SLC36A2: variants seen among roughly 807,000 people sequenced by gnomAD.
The protein encoded by SLC36A2 is solute carrier family 36 member 2.
In SLC36A2, 39 loss-of-function variants were observed where a neutral mutation model predicts 42.7. The observed-to-expected ratio is 0.91, with a 90% CI of 0.71 to 1.19. The LOEUF (loss-of-function observed/expected upper bound fraction) is 1.19. Ranked by LOEUF, SLC36A2 falls within the 50% of genes most tolerant of loss-of-function variation. The probability of loss-of-function intolerance (pLI) is 0.00; values close to 1 mark genes in which losing one functional copy is unlikely to be tolerated. For missense variants in SLC36A2, 590 were observed against 613.7 expected (o/e 0.96, Z 0.41); for synonymous variants, 237 against 240.8 (o/e 0.98, Z 0.15).
At chr5:151,346,791 AGT>A (rs1756508845) in intron 1 of SLC36A2, among the ~76,000 whole-genome samples, 1 of 152,118 alleles carries the variant, frequency 6.6e-6, no homozygotes, top group South Asian at 2.1e-4. Flanking sequence ...CTTTCCACAA[AGT>A]GTGTTTTTTA....
At chr5:151,321,562 G>A (rs535825500) in intron 9 of SLC36A2, among the ~76,000 whole-genome samples, 8 of 152,144 alleles carry the variant, frequency 5.3e-5, no homozygotes, top group East Asian at 1.9e-4. Flanking sequence ...TTAGGTACAT[G>A]TAAGAATGGG....
chr5:151,337,114 T>TTACAATTGGAAAAATAGCTGGAACA (rs1756180915), intron 5 of SLC36A2, among the ~76,000 whole-genome samples: 1 of 152,288 alleles, frequency 6.6e-6, no homozygotes, highest in East Asian at 1.9e-4. Context: ...GGAACATTAG[T>TTACAATTGGAAAAATAGCTGGAACA]TACGTACTCA....
chr5:151,344,394 G>A, intron 1 of SLC36A2, 127 bp from the exon 2 acceptor site: 1 of 802,938 alleles, frequency 1.2e-6, no homozygotes, highest in South Asian at 1.5e-5. Flanking sequence ...ATGAGTCCTT[G>A]CCTGGCACAT....
At chr5:151,345,946 T>C (rs1010525431) in intron 1 of SLC36A2, among the ~76,000 whole-genome samples, 1 of 152,190 alleles carries the variant, frequency 6.6e-6, no homozygotes, top group Non-Finnish European at 1.5e-5. Context: ...GAGGAGAAAC[T>C]GGACACAAAG....
Position 151,347,388 on chromosome 5 carries a change from C to T in SLC36A2, c.73G>A (p.Glu25Lys). 1 of 1,614,248 alleles carries T rather than the reference C, an allele frequency of 6.2e-7. No individual in the cohort carries two copies. Among genetic ancestry groups the T allele is most frequent in the African/African-American group, 1.3e-5 (1 of 75,058 alleles). ...AIKLDLMSPP[E>K]SAKKLENKDS... ...TTGTTCTCCAACTTCTTGGCACTTT[C>T]AGGAGGCGACATAAGGTCCAATTTG... The change falls in exon 1 of 10, where the codon GAA becomes AAA. Residue 25 changes from glutamate (E) to lysine (K), a missense_variant. Coordinates refer to ENST00000335244, the MANE Select transcript of SLC36A2 (RefSeq NM_181776.3).
intron 1 of SLC36A2, among the ~76,000 whole-genome samples, chr5:151,346,162 G>A (rs909585428): frequency 3.3e-5 from 5 of 152,162 alleles, no homozygotes; most frequent in Non-Finnish European, 7.3e-5. Context: ...CAGGACACAA[G>A]AGACAGGTGG....
Position 151,336,360 on chromosome 5 carries a change from C to T in SLC36A2, c.526-813G>A, listed in dbSNP as rs114500462. 8.4e-3 allele frequency among the ~76,000 whole-genome samples: 1,278 copies of T among 152,142 alleles called. 15 individuals carry two copies. The highest frequency in any genetic ancestry group is 0.029 in the African/African-American group (1,193 of 41,478). On this transcript the variant is annotated intron_variant, in intron 5 of 9. Transcript: ENST00000335244. Reference sequence around the variant, plus strand: ...CTAGTTCTTCCATCTATATCCTCCTCGCTACCCTGGCTCCTGTTCTTCCCT... The same window carrying T: ...CTAGTTCTTCCATCTATATCCTCCTTGCTACCCTGGCTCCTGTTCTTCCCT...
At chr5:151,327,937 G>A (rs565241709) in intron 7 of SLC36A2, among the ~76,000 whole-genome samples, 1 of 152,292 alleles carries the variant, frequency 6.6e-6, no homozygotes, top group Admixed American at 6.5e-5. Context: ...TGTAAAATTG[G>A]AGACTGGGCT....
chr5:151,324,442 C>G (rs1755794580), intron 8 of SLC36A2, among the ~76,000 whole-genome samples: 1 of 152,092 alleles, frequency 6.6e-6, no homozygotes, highest in Non-Finnish European at 1.5e-5. Flanking sequence ...AAGTGATTCT[C>G]CTGCCTCAGC....
At chr5:151,320,717 C>T (rs184451669) in intron 9 of SLC36A2, among the ~76,000 whole-genome samples, 3 of 152,260 alleles carry the variant, frequency 2.0e-5, no homozygotes, top group South Asian at 2.1e-4. Context: ...TGATTGTTGC[C>T]GATGGGGAAT....
Position 151,335,515 on chromosome 5 carries a change from G to GT in SLC36A2, c.557dup (p.Asn186LysfsTer6), listed in dbSNP as rs1561658317. On this transcript the variant is annotated frameshift_variant, in exon 6 of 10. Coordinates refer to ENST00000335244, the MANE Select transcript of SLC36A2 (RefSeq NM_181776.3). LOFTEE classifies it high-confidence loss of function. ...GAATCACCGTCTCATTGGAATAGCAGTTGTTGGTTGTGCTATTAACAGCTT... is the reference window on the plus strand; with the variant it reads ...GAATCACCGTCTCATTGGAATAGCAGTTTGTTGGTTGTGCTATTAACAGCTT... 6.2e-7 allele frequency: 1 copy of GT among 1,614,054 alleles called. No individual in the cohort carries two copies. Among genetic ancestry groups the GT allele is most frequent in the East Asian group, 2.2e-5 (1 of 44,888 alleles).
chr5:151,331,320 G>A (rs537016908), intron 7 of SLC36A2, among the ~76,000 whole-genome samples: 17 of 150,968 alleles, frequency 1.1e-4, no homozygotes, highest in African/African-American at 1.5e-4. Context: ...TTTTTGTTTC[G>A]TTTTGTTTTG....
intron 7 of SLC36A2, among the ~76,000 whole-genome samples, chr5:151,329,648 AAAATTT>A (rs1417157970): frequency 1.3e-5 from 2 of 150,456 alleles, no homozygotes; most frequent in Non-Finnish European, 2.9e-5. Context: ...GAAAATAAGA[AAAATTT>A]AAATAACTGA....
chr5:151,341,337 G>A (rs1295116087), intron 4 of SLC36A2, among the ~76,000 whole-genome samples: 1 of 152,196 alleles, frequency 6.6e-6, no homozygotes, highest in Non-Finnish European at 1.5e-5. Context: ...GACTGAATTT[G>A]TGGATTACTC....
At chr5:151,335,082 A>AT (rs1346528052) in intron 6 of SLC36A2, among the ~76,000 whole-genome samples, 2 of 152,096 alleles carry the variant, frequency 1.3e-5, no homozygotes, top group Non-Finnish European at 2.9e-5. Context: ...TTGCAAGCAC[A>AT]TTTTTTTAAA....
Position 151,316,821 on chromosome 5 carries a change from C to T in SLC36A2, c.1448G>A (p.Arg483Gln), listed in dbSNP as rs201316052. 2.8e-5 allele frequency: 45 copies of T among 1,613,274 alleles called. No individual in the cohort carries two copies. The East Asian group carries it at 4.2e-4, about 15-fold the overall frequency. Residue 483 changes from arginine (R) to glutamine (Q), a missense_variant, in exon 10 of 10, where the codon CGG becomes CAG. Arg to Gln is a conservative substitution (Grantham distance 43). Transcript: ENST00000335244. ...HPFSNSTTFV[R>Q] Reference sequence around the variant, plus strand: ...AGGCAAGGAGCAGTGCCAGGCTCACCGAACAAAAGTGGTGGAGTTGGAAAA... The same window carrying T: ...AGGCAAGGAGCAGTGCCAGGCTCACTGAACAAAAGTGGTGGAGTTGGAAAA...
chr5:151,333,930 G>A (rs115886275), intron 6 of SLC36A2, among the ~76,000 whole-genome samples: 2 of 152,346 alleles, frequency 1.3e-5, no homozygotes, highest in African/African-American at 2.4e-5. Context: ...TGAATGGACA[G>A]TGGTCATGGG....
At chr5:151,347,188 T>C in intron 1 of SLC36A2, 109 bp downstream of exon 1, 2 of 1,375,480 alleles carry the variant, frequency 1.5e-6, no homozygotes, top group Non-Finnish European at 2.1e-6. Context: ...AACCTTGGTT[T>C]CTCATCTGCA....
At position 151,333,259 on chromosome 5, in the gene SLC36A2, C is replaced by G. The variant is rs748652884; in HGVS notation, c.808G>C (p.Gly270Arg). ...ASWKTYPLFF[G>R]TAIFSFESIG... is the part of the protein sequence containing the mutation. ...CTTTCAAAAGAAAAAATGGCTGTTCCGAAGAAGAGAGGGTAGGTCTTCCAG... is the reference window on the plus strand; with the variant it reads ...CTTTCAAAAGAAAAAATGGCTGTTCGGAAGAAGAGAGGGTAGGTCTTCCAG... The change falls in exon 7 of 10, where the codon GGA becomes CGA. Residue 270 changes from glycine (G) to arginine (R), a missense_variant. Transcript: ENST00000335244. The G allele has an allele frequency of 3.1e-6, 5 of 1,613,948 alleles. No homozygotes were observed. Among genetic ancestry groups the G allele is most frequent in the Non-Finnish European group, 4.2e-6 (5 of 1,179,938 alleles).
Sources: gnomAD v4.1 joint callset for allele counts (sites outside exome capture counted in the v4.1 genomes callset) on GRCh38, gnomAD v4.1.1 for gene constraint, MANE v1.5 for transcripts, NCBI Gene and HGNC (gene_info 2026-07-23, HGNC 2026-07-21) for gene names.